KALRN: variants seen among roughly 807,000 people sequenced by gnomAD.
The protein encoded by KALRN is kalirin RhoGEF kinase.
In KALRN, 70 loss-of-function variants were observed where a neutral mutation model predicts 353.7. The observed-to-expected ratio is 0.20, with a 90% CI of 0.16 to 0.24. KALRN has a LOEUF of 0.24. Ranked by LOEUF, KALRN falls within the 10% of genes least tolerant of loss-of-function variation. The pLI is 1.00. For synonymous variants in KALRN, 1,391 were observed against 1,434.8 expected (o/e 0.97, Z 0.69); for missense variants, 2,791 against 3,756.7 (o/e 0.74, Z 6.72).
intron 34 of KALRN, among the ~76,000 whole-genome samples, chr3:124,628,139 TCCTC>T (rs1330613034): frequency 4.2e-5 from 4 of 95,724 alleles, no homozygotes; most frequent in South Asian, 3.7e-4. Context: ...TTTCCTTCCA[TCCTC>T]CCTCCCTCCC....
At chr3:124,478,800 C>T (rs1340097067) in intron 27 of KALRN, among the ~76,000 whole-genome samples, 5 of 152,220 alleles carry the variant, frequency 3.3e-5, no homozygotes, top group Admixed American at 3.3e-4. Flanking sequence ...ACTTTTCTGA[C>T]ATACATGTCC....
At chr3:124,651,007 G>C in intron 38 of KALRN, 69 bp downstream of exon 38, 1 of 1,586,284 alleles carries the variant, frequency 6.3e-7, no homozygotes, top group Non-Finnish European at 8.6e-7. Flanking sequence ...CAAAGGTTGG[G>C]GAAAATTCGA....
chr3:124,479,411 T>C (rs1176862552), intron 27 of KALRN, among the ~76,000 whole-genome samples: 1 of 152,218 alleles, frequency 6.6e-6, no homozygotes, highest in Admixed American at 6.5e-5. Flanking sequence ...CCAAAAGGCA[T>C]AATCTTTGCA....
intron 1 of KALRN, among the ~76,000 whole-genome samples, chr3:124,190,991 C>A (rs1343897555): frequency 2.0e-5 from 3 of 152,178 alleles, no homozygotes; most frequent in Non-Finnish European, 2.9e-5. Context: ...TTCGCATGAT[C>A]CCCTCTTCAG....
At chr3:124,623,382 A>G (rs939944849) in intron 34 of KALRN, among the ~76,000 whole-genome samples, 2 of 141,020 alleles carry the variant, frequency 1.4e-5, no homozygotes, top group African/African-American at 5.6e-5. Flanking sequence ...AGATATATAT[A>G]TATATATATT....
chr3:124,453,553 GT>G (rs1324425908), intron 21 of KALRN, among the ~76,000 whole-genome samples: 1 of 152,204 alleles, frequency 6.6e-6, no homozygotes, highest in Non-Finnish European at 1.5e-5. Context: ...GGGCTCTGTT[GT>G]TTTTTCTGCT....
At chr3:124,038,622 A>C (rs187750092) in intron 1 of KALRN, among the ~76,000 whole-genome samples, 69 of 152,342 alleles carry the variant, frequency 4.5e-4, no homozygotes, top group African/African-American at 1.6e-3. Flanking sequence ...AAAAGTAAGA[A>C]GATAAATGAA....
intron 1 of KALRN, chr3:124,163,713 C>G: frequency 2.0e-6 from 2 of 985,340 alleles, no homozygotes; most frequent in Non-Finnish European, 2.4e-6. Flanking sequence ...GGCTCTTTAC[C>G]ATAGACCTTG....
rs745888855 is a variant in KALRN at position 124,234,975 on chromosome 3, C to T, written c.263+32C>T. The T allele has an allele frequency of 1.1e-4, 165 of 1,509,162 alleles. 2 individuals carry two copies. The highest frequency in any genetic ancestry group is 9.0e-4 in the South Asian group (76 of 84,388). 93.5% of individuals were successfully genotyped at this position (1,509,162 alleles called of 1,614,324 possible). ...GGAAGGGGAATGGCCTGCAGGGGAG[C>T]GGGAGGGGAGCTGGGCTGATGCCAG... On this transcript the variant is annotated intron_variant, in intron 3 of 59. Transcript: ENST00000682506.
intron 33 of KALRN, among the ~76,000 whole-genome samples, chr3:124,501,629 G>A (rs1266502732): frequency 6.6e-6 from 1 of 152,190 alleles, no homozygotes; most frequent in Non-Finnish European, 1.5e-5. Context: ...ACCTCCTGTA[G>A]AGCCTTACCT....
intron 1 of KALRN, among the ~76,000 whole-genome samples, chr3:124,121,093 CAAA>C (rs35883031): frequency 2.7e-5 from 2 of 75,146 alleles, no homozygotes; most frequent in Non-Finnish European, 2.4e-5. Flanking sequence ...GACTCCATCT[CAAA>C]AAAAAAAAAA....
intron 5 of KALRN, among the ~76,000 whole-genome samples, chr3:124,286,646 G>A (rs1294436019): frequency 1.3e-5 from 2 of 152,096 alleles, no homozygotes; most frequent in Admixed American, 1.3e-4. Flanking sequence ...GAATTCTTAA[G>A]TTCAGTATTA....
chr3:124,605,827 T>G (rs1165931307), intron 34 of KALRN, among the ~76,000 whole-genome samples: 1 of 152,284 alleles, frequency 6.6e-6, no homozygotes, highest in East Asian at 1.9e-4. Flanking sequence ...GGCAGTGTGA[T>G]TCGTCAAAAT....
At chr3:124,355,293 G>T (rs1332397023) in intron 10 of KALRN, among the ~76,000 whole-genome samples, 2 of 152,238 alleles carry the variant, frequency 1.3e-5, no homozygotes, top group East Asian at 3.9e-4. Context: ...CTAAACCAGA[G>T]AAATAATAAT....
At chr3:124,657,858 C>A in intron 41 of KALRN, 55 bp downstream of exon 41, 2 of 1,276,234 alleles carry the variant, frequency 1.6e-6, no homozygotes, top group South Asian at 1.2e-5. Flanking sequence ...CATTTATATT[C>A]ATTTTAAAAT....
In KALRN at chr3:124,334,202, G is replaced by T; in HGVS notation, c.1417-63G>T. 1 of 1,394,304 alleles carries T rather than the reference G, an allele frequency of 7.2e-7. No homozygotes were observed. Among genetic ancestry groups the T allele is most frequent in the Non-Finnish European group, 1.0e-6 (1 of 983,800 alleles). The allele number at this position is 1,394,304 out of a possible 1,614,324, so 86.4% of individuals were successfully genotyped here. Reference sequence around the variant, plus strand: ...AGGGACCCTCAGGCAGACACTTCCTGCTTCTCTCTGTGCCCTGCCTATCAC... The same window carrying T: ...AGGGACCCTCAGGCAGACACTTCCTTCTTCTCTCTGTGCCCTGCCTATCAC... On this transcript the variant is annotated intron_variant, in intron 8 of 59. Transcript: ENST00000682506. This position sits in a 1 kb window ranked among gnomAD's most constrained non-coding sequence, Gnocchi z 4.2.
intron 33 of KALRN, among the ~76,000 whole-genome samples, chr3:124,560,624 G>A (rs1307968546): frequency 6.6e-6 from 1 of 152,222 alleles, no homozygotes; most frequent in Non-Finnish European, 1.5e-5. Context: ...CACTTTGGGA[G>A]ACTGAAGCGG....
At chr3:124,507,242 C>T (rs1023185377) in intron 33 of KALRN, among the ~76,000 whole-genome samples, 2 of 152,134 alleles carry the variant, frequency 1.3e-5, no homozygotes, top group African/African-American at 4.8e-5. Context: ...AGAACGGTCA[C>T]GGTTCTTAGG....
chr3:124,383,605 A>C (rs2087748172), intron 10 of KALRN, among the ~76,000 whole-genome samples: 1 of 152,146 alleles, frequency 6.6e-6, no homozygotes, highest in African/African-American at 2.4e-5. Flanking sequence ...TAAGGACACC[A>C]GTCATATTGG....
Sources: allele counts gnomAD v4.1 joint callset (sites outside exome capture counted in the v4.1 genomes callset), GRCh38; gene constraint gnomAD v4.1.1; non-coding constraint Gnocchi (gnomAD v3.1); transcripts MANE v1.5; gene names NCBI Gene and HGNC (gene_info 2026-07-23, HGNC 2026-07-21).